Variants in PRKG1 observed in about 807,000 individuals in gnomAD.
PRKG1 encodes the protein cGMP-dependent protein kinase 1.
In PRKG1, 35 loss-of-function variants were observed where a neutral mutation model predicts 88.1. That is an observed-to-expected ratio of 0.40 (90% CI 0.30 to 0.53). The LOEUF is 0.53. Among genes scored for constraint, PRKG1 ranks in the 20% least tolerant of loss-of-function variants. PRKG1 has a pLI of 0.59. For synonymous variants in PRKG1, 303 were observed against 292.5 expected, an observed-to-expected ratio of 1.04 and a Z score of -0.37; for missense variants, 540 against 839.8, an observed-to-expected ratio of 0.64 and a Z score of 4.41.
chr10:52,012,679 T>G (rs1447267659), intron 5 of PRKG1, among the ~76,000 whole-genome samples: 2 of 152,198 alleles, frequency 1.3e-5, no homozygotes, highest in Non-Finnish European at 2.9e-5. Context: ...CTGGCTTATT[T>G]GCCTTTTTAA....
intron 5 of PRKG1, among the ~76,000 whole-genome samples, chr10:52,045,350 A>C (rs1845837848): frequency 6.6e-6 from 1 of 151,994 alleles, no homozygotes; most frequent in Non-Finnish European, 1.5e-5. Flanking sequence ...GACTACTATC[A>C]AGGTAGGTAG....
At chr10:51,715,886 C>T (rs1841873574) in intron 3 of PRKG1, among the ~76,000 whole-genome samples, 1 of 152,190 alleles carries the variant, frequency 6.6e-6, no homozygotes, top group Non-Finnish European at 1.5e-5. Flanking sequence ...GTGAACTTTA[C>T]TTTCCCAGGC....
chr10:51,978,866 A>T (rs563861827), intron 5 of PRKG1, among the ~76,000 whole-genome samples: 52 of 152,104 alleles, frequency 3.4e-4, no homozygotes, highest in Non-Finnish European at 5.9e-4. Flanking sequence ...TTGGGCTGAG[A>T]CTATGGGTTT....
At chr10:52,134,014 T>G in intron 8 of PRKG1, 109 bp downstream of exon 8, 1 of 829,258 alleles carries the variant, frequency 1.2e-6, no homozygotes. Flanking sequence ...TTTTATATCT[T>G]TTCATTTTTA....
rs74436398 is a variant in PRKG1 at position 52,227,442 on chromosome 10, C to T, written c.1077-24128C>T. Among the ~76,000 whole-genome samples, 5,080 of 152,166 alleles carry T rather than the reference C, an allele frequency of 0.033. 493 individuals carry two copies. The East Asian group carries it at 0.36, about 11-fold the overall frequency. ...TTTCTTTCTATTATTCCCTAAACAACGCAATGTAACAACTATTTACGTTGT... is the reference window on the plus strand; with the variant it reads ...TTTCTTTCTATTATTCCCTAAACAATGCAATGTAACAACTATTTACGTTGT... On this transcript the variant is annotated intron_variant, in intron 9 of 17. Transcript: ENST00000373980.
intron 2 of PRKG1, among the ~76,000 whole-genome samples, chr10:51,257,000 TAAA>T (rs1839577920): frequency 6.6e-6 from 1 of 151,892 alleles, no homozygotes; most frequent in Non-Finnish European, 1.5e-5. Context: ...AAATTAAAAT[TAAA>T]AAAATTCACA....
rs544639019 is a variant in PRKG1 at position 51,677,879 on chromosome 10, T to G, written c.593-126706T>G. Reference sequence around the variant, plus strand: ...GAATTGGGCAGGAGCATAGGTGAGATAGGGACATGGAAGATCCCATATTTT... The same window carrying G: ...GAATTGGGCAGGAGCATAGGTGAGAGAGGGACATGGAAGATCCCATATTTT... On this transcript the variant is annotated intron_variant, in intron 3 of 17. Coordinates refer to ENST00000373980, the MANE Select transcript of PRKG1 (RefSeq NM_006258.4). Among the ~76,000 whole-genome samples the G allele has an allele frequency of 3.3e-5, 5 of 152,322 alleles. No homozygotes were observed. The East Asian group carries it at 5.8e-4, about 18-fold the overall frequency.
chr10:52,109,550 T>A (rs11591515), intron 7 of PRKG1, among the ~76,000 whole-genome samples: 3 of 151,942 alleles, frequency 2.0e-5, no homozygotes, highest in Non-Finnish European at 4.4e-5. Context: ...GCAGATCACC[T>A]GAGGTCAGGA....
intron 2 of PRKG1, among the ~76,000 whole-genome samples, chr10:51,350,715 C>T (rs1842222188): frequency 6.6e-6 from 1 of 152,150 alleles, no homozygotes; most frequent in South Asian, 2.1e-4. Context: ...AACTGATAAG[C>T]AAATTCAGCA....
At chr10:51,921,565 T>C (rs773443283) in intron 5 of PRKG1, among the ~76,000 whole-genome samples, 7 of 152,132 alleles carry the variant, frequency 4.6e-5, no homozygotes, top group Non-Finnish European at 1.0e-4. Context: ...TTTTTGTTGC[T>C]GTTGTTTTTA....
intron 9 of PRKG1, among the ~76,000 whole-genome samples, chr10:52,248,105 T>C (rs1285594190): frequency 6.6e-6 from 1 of 152,232 alleles, no homozygotes; most frequent in Non-Finnish European, 1.5e-5. Flanking sequence ...ATGCTATTGT[T>C]TGTGGCTTAA....
chr10:51,632,234 T>G (rs746535921), intron 3 of PRKG1, among the ~76,000 whole-genome samples: 1 of 152,148 alleles, frequency 6.6e-6, no homozygotes, highest in Non-Finnish European at 1.5e-5. Flanking sequence ...CCTAGCAGAT[T>G]AGAAAACAGT....
intron 1 of PRKG1, among the ~76,000 whole-genome samples, chr10:51,075,191 G>GGTGTGTGTCCGACC (rs1843918155): frequency 6.6e-6 from 1 of 152,194 alleles, no homozygotes; most frequent in Non-Finnish European, 1.5e-5. Context: ...ACACGTCCCA[G>GGTGTGTGTCCGACC]GTGTGTGTCC....
chr10:51,788,729 G>T (rs1053955003), intron 3 of PRKG1, among the ~76,000 whole-genome samples: 1 of 152,150 alleles, frequency 6.6e-6, no homozygotes, highest in Non-Finnish European at 1.5e-5. Flanking sequence ...TGGCTGTGGA[G>T]TCTAGCCTTA....
intron 2 of PRKG1, among the ~76,000 whole-genome samples, chr10:51,363,277 A>G (rs914300847): frequency 2.0e-5 from 3 of 151,440 alleles, no homozygotes; most frequent in African/African-American, 7.3e-5. Flanking sequence ...AAATTTTTGG[A>G]GACTCTGTAT....
At chr10:52,118,268 T>A (rs1007825620) in intron 7 of PRKG1, among the ~76,000 whole-genome samples, 1 of 152,058 alleles carries the variant, frequency 6.6e-6, no homozygotes, top group Non-Finnish European at 1.5e-5. Flanking sequence ...TGTTCATGTC[T>A]TTTTCTTACT....
chr10:52,040,631 A>G (rs555760433), intron 5 of PRKG1, among the ~76,000 whole-genome samples: 1 of 152,178 alleles, frequency 6.6e-6, no homozygotes, highest in African/African-American at 2.4e-5. Context: ...AAATGGGAAC[A>G]GTTTGACTTC....
chr10:51,006,149 A>C (rs1485301560), intron 1 of PRKG1, among the ~76,000 whole-genome samples: 1 of 152,072 alleles, frequency 6.6e-6, no homozygotes, highest in Non-Finnish European at 1.5e-5. Context: ...ACTGTATTTG[A>C]GCTTTTTCAT....
intron 2 of PRKG1, among the ~76,000 whole-genome samples, chr10:51,268,512 A>G (rs1311113668): frequency 1.3e-5 from 2 of 152,072 alleles, no homozygotes; most frequent in African/African-American, 4.8e-5. Flanking sequence ...ATTCAGGGAT[A>G]TTTCTCCCAT....
Sources: gnomAD v4.1 joint callset for allele counts (sites outside exome capture counted in the v4.1 genomes callset) on GRCh38, gnomAD v4.1.1 for gene constraint, MANE v1.5 for transcripts, NCBI Gene and HGNC (gene_info 2026-07-23, HGNC 2026-07-21) for gene names.